The following LRGUK variants were observed in gnomAD, a reference collection of about 807,000 sequenced individuals.
LRGUK encodes leucine rich repeats and guanylate kinase domain containing, also known as leucine-rich repeat and guanylate kinase domain-containing protein.
LRGUK carries 65 observed loss-of-function variants against 76.0 expected under a neutral mutation model. That is an observed-to-expected ratio of 0.85 (90% confidence interval 0.70 to 1.05). The LOEUF is 1.05. Ranked by LOEUF, LRGUK falls within the 50% of genes least tolerant of loss-of-function variation. LRGUK has a pLI of 0.00. For synonymous variants in LRGUK, 268 were observed against 265.6 expected, an observed-to-expected ratio of 1.01 and a Z score of -0.09; for missense variants, 758 against 732.8, an observed-to-expected ratio of 1.03 and a Z score of -0.40.
rs565146121 is a variant in LRGUK at position 134,167,650 on chromosome 7, T to C, written c.939+4110T>C. On this transcript the variant is annotated intron_variant, in intron 7 of 15. Transcript: ENST00000645682. The stretch of plus-strand genomic sequence containing the variant: ...CAGCTGGTGGGGTGCAGTGCTCCCT[T>C]GCAGAAGGGGCGGGAATGTGAAGTC... Among the ~76,000 whole-genome samples the C allele has an allele frequency of 2.8e-4, 43 of 152,294 alleles. 2 individuals are homozygous for C. The South Asian group carries it at 8.5e-3, about 30-fold the overall frequency.
intron 2 of LRGUK, among the ~76,000 whole-genome samples, chr7:134,138,615 C>A (rs537988219): frequency 6.6e-6 from 1 of 152,084 alleles, no homozygotes; most frequent in African/African-American, 2.4e-5. Context: ...ACTGTTCTAG[C>A]GGCCTTCATT....
At chr7:134,223,661 C>G (rs1192312198) in intron 16 of LRGUK, among the ~76,000 whole-genome samples, 7 of 152,220 alleles carry the variant, frequency 4.6e-5, no homozygotes, top group Non-Finnish European at 4.4e-5. Flanking sequence ...AGAAGGGCCT[C>G]TAGCCTCATA....
chr7:134,274,599 C>T, the LRGUK span, among the ~76,000 whole-genome samples: 3 of 141,894 alleles, frequency 2.1e-5, no homozygotes, highest in Non-Finnish European at 4.4e-5. Flanking sequence ...GTGTTTTAGT[C>T]TCTTTCTTAT....
chr7:134,219,188 G>GT (rs893738380), intron 15 of LRGUK, among the ~76,000 whole-genome samples: 126 of 152,246 alleles, frequency 8.3e-4, no homozygotes, highest in African/African-American at 2.8e-3. Flanking sequence ...GAAGTAAGCT[G>GT]TTTTGTCCAT....
rs187214899 is a variant in LRGUK, at chr7:134,235,418, A to T, written c.1984-12138A>T. 3.3e-5 allele frequency among the ~76,000 whole-genome samples: 5 copies of T among 152,242 alleles called. No homozygotes were observed. The East Asian group carries it at 9.6e-4, about 29-fold the overall frequency. On this transcript the variant is annotated intron_variant, in intron 16 of 19. Transcript: ENST00000285928. The stretch of plus-strand genomic sequence containing the variant: ...ATGGCTGACTCCCTTTCCTCCTTCA[A>T]CTATTAACTCACATTTTACCACCTC...
chr7:134,248,446 C>A (rs535701626), intron 17 of LRGUK, among the ~76,000 whole-genome samples: 16 of 152,242 alleles, frequency 1.1e-4, no homozygotes, highest in Middle Eastern at 3.4e-3. Context: ...GATTCTTTTT[C>A]TTTCAAGTCA....
downstream of LRGUK, among the ~76,000 whole-genome samples, chr7:134,214,775 AACACACACACACAC>A (rs56096728): frequency 3.0e-3 from 434 of 146,848 alleles, 2 homozygotes; most frequent in African/African-American, 9.0e-3. Context: ...ATTAAATTTA[AACACACACACACAC>A]ACACACACAC....
rs1300015042 is a variant in LRGUK at position 134,222,610 on chromosome 7, G to GTT, written c.1983+695_1983+696dup. Among the ~76,000 whole-genome samples, 1,125 of 150,674 alleles carry GTT rather than the reference G, an allele frequency of 7.5e-3. 16 individuals carry two copies. Among genetic ancestry groups the GTT allele is most frequent in the African/African-American group, 0.027 (1,092 of 40,900 alleles). ...TTTTTGTTTGTTTTGTTTTGTTTTTGTTTTGTTTTTTTTTTTGAGACGGAG... is the reference window on the plus strand; with the variant it reads ...TTTTTGTTTGTTTTGTTTTGTTTTTGTTTTTTGTTTTTTTTTTTGAGACGGAG... On this transcript the variant is annotated intron_variant, in intron 16 of 19. Coordinates refer to the LRGUK transcript ENST00000285928.
chr7:134,258,349 T>C (rs767376380), exon 19 of LRGUK: 1 of 1,614,112 alleles, frequency 6.2e-7, no homozygotes, highest in South Asian at 1.1e-5. Context: ...GAGGGGAGCA[T>C]TTCTTCACAC....
intron 11 of LRGUK, among the ~76,000 whole-genome samples, chr7:134,191,437 T>A (rs1432421980): frequency 1.3e-5 from 2 of 152,158 alleles, no homozygotes; most frequent in Non-Finnish European, 2.9e-5. Flanking sequence ...TGAGTAAAAA[T>A]TTGGTATGGA....
intron 16 of LRGUK, among the ~76,000 whole-genome samples, chr7:134,230,843 G>A (rs990650885): frequency 6.6e-6 from 1 of 152,198 alleles, no homozygotes; most frequent in Non-Finnish European, 1.5e-5. Flanking sequence ...AGAAGAAGTG[G>A]TTACTGTAAA....
rs545439539 is a variant in LRGUK, at chr7:134,147,376, A to G, written c.589-862A>G. Among the ~76,000 whole-genome samples, 10 of 151,548 alleles carry G rather than the reference A, an allele frequency of 6.6e-5. No homozygotes were observed. The South Asian group carries it at 2.1e-3, about 32-fold the overall frequency. On this transcript the variant is annotated intron_variant, in intron 4 of 15. Transcript: ENST00000645682. ...CTTGAACCTGTGAGGCAGAGGTTGC[A>G]GTGAGCTGAGATCATGCCACAGCAC... is the stretch of plus-strand genomic sequence containing the variant.
chr7:134,208,500 TA>T (rs1267185883), intron 15 of LRGUK, among the ~76,000 whole-genome samples: 1 of 152,210 alleles, frequency 6.6e-6, no homozygotes, highest in East Asian at 1.9e-4. Flanking sequence ...TTCAGTTGAC[TA>T]AAATTGTTCT....
intron 4 of LRGUK, among the ~76,000 whole-genome samples, 157 bp from the exon 5 acceptor site, chr7:134,148,078 AAAG>A (rs1370257552): frequency 2.6e-5 from 4 of 151,972 alleles, no homozygotes; most frequent in Middle Eastern, 3.4e-3. Context: ...AAAAAAAAAA[AAAG>A]ATTAAAGACA....
At chr7:134,276,324 T>G in the LRGUK span, among the ~76,000 whole-genome samples, 1 of 152,252 alleles carries the variant, frequency 6.6e-6, no homozygotes. Flanking sequence ...TATAGAATGA[T>G]TCACTGTGGG....
downstream of LRGUK, among the ~76,000 whole-genome samples, chr7:134,266,132 C>T (rs1202358048): frequency 6.6e-6 from 1 of 152,218 alleles, no homozygotes; most frequent in African/African-American, 2.4e-5. Context: ...TTCTGCCCCA[C>T]TGGTATGGTG....
At chr7:134,244,226 T>G (rs1171222238) in intron 16 of LRGUK, among the ~76,000 whole-genome samples, 2 of 152,100 alleles carry the variant, frequency 1.3e-5, no homozygotes, top group African/African-American at 4.8e-5. Context: ...CTAAAGAGCT[T>G]CTGCACAGCA....
intron 5 of LRGUK, among the ~76,000 whole-genome samples, chr7:134,153,340 A>G (rs1384247150): frequency 3.9e-5 from 6 of 152,118 alleles, no homozygotes; most frequent in Non-Finnish European, 5.9e-5. Flanking sequence ...TTGTCTTTCC[A>G]TATGTGGATA....
intron 19 of LRGUK, among the ~76,000 whole-genome samples, chr7:134,263,403 C>CAG (rs1554479225): frequency 7.0e-6 from 1 of 142,178 alleles, no homozygotes; most frequent in Non-Finnish European, 1.5e-5. Context: ...CTTCACTTCA[C>CAG]TGTGTGTGTG....
Sources: allele counts gnomAD v4.1 joint callset (sites outside exome capture counted in the v4.1 genomes callset), GRCh38; gene constraint gnomAD v4.1.1; transcripts MANE v1.5; gene names NCBI Gene and HGNC (gene_info 2026-07-23, HGNC 2026-07-21).